RYR3: variants seen among roughly 807,000 people sequenced by gnomAD.
RYR3 encodes the protein ryanodine receptor 3, also known as brain ryanodine receptor-calcium release channel.
In RYR3, 207 loss-of-function variants were observed where a neutral mutation model predicts 584.3. That is an observed-to-expected ratio of 0.35 (90% CI 0.32 to 0.40). The LOEUF (loss-of-function observed/expected upper bound fraction) is 0.40. RYR3 is among the 10% of genes least tolerant of loss of function. The pLI is 1.00. For missense variants in RYR3, 5,616 were observed against 6,089.2 expected, an observed-to-expected ratio of 0.92 and a Z score of 2.59; for synonymous variants, 2,416 against 2,248.5, an observed-to-expected ratio of 1.07 and a Z score of -2.11.
At chr15:33,563,511 C>G (rs2057529326) in intron 11 of RYR3, among the ~76,000 whole-genome samples, 1 of 152,210 alleles carries the variant, frequency 6.6e-6, no homozygotes, top group African/African-American at 2.4e-5. Context: ...GCATCACAGC[C>G]TGCTCCAGCG....
intron 1 of RYR3, among the ~76,000 whole-genome samples, chr15:33,428,378 A>C (rs905079610): frequency 6.6e-6 from 1 of 152,236 alleles, no homozygotes; most frequent in African/African-American, 2.4e-5. Context: ...ATTTATGAAA[A>C]GTCATTGTGT....
At chr15:33,507,086 C>T (rs2142818126) in intron 3 of RYR3, among the ~76,000 whole-genome samples, 1 of 152,242 alleles carries the variant, frequency 6.6e-6, no homozygotes, top group South Asian at 2.1e-4. Flanking sequence ...TATAATTTTT[C>T]CTTCTAGTCA....
chr15:33,409,266 G>A (rs2043228487), intron 1 of RYR3, among the ~76,000 whole-genome samples: 2 of 151,234 alleles, frequency 1.3e-5, no homozygotes, highest in Admixed American at 1.3e-4. Context: ...CATGTGCCAT[G>A]TTGGTGTGCT....
chr15:33,684,498 C>T (rs2152745267), intron 38 of RYR3, among the ~76,000 whole-genome samples: 1 of 152,212 alleles, frequency 6.6e-6, no homozygotes, highest in East Asian at 1.9e-4. Flanking sequence ...AGGTCACCAG[C>T]ATCAAAGACC....
intron 45 of RYR3, among the ~76,000 whole-genome samples, chr15:33,725,795 T>C (rs1436366265): frequency 7.7e-6 from 1 of 130,488 alleles, no homozygotes; most frequent in African/African-American, 2.9e-5. Context: ...CCGTCTCTAC[T>C]AAAAAAAAAA....
chr15:33,357,976 C>T (rs145970355), intron 1 of RYR3, among the ~76,000 whole-genome samples: 18 of 152,330 alleles, frequency 1.2e-4, no homozygotes, highest in Middle Eastern at 3.4e-3. Flanking sequence ...GTGATTCTGT[C>T]CTTGCATTTG....
intron 2 of RYR3, among the ~76,000 whole-genome samples, chr15:33,491,843 T>C (rs983272681): frequency 3.9e-5 from 6 of 152,184 alleles, no homozygotes; most frequent in African/African-American, 1.4e-4. Context: ...CTGAGTCTCC[T>C]AATGGTTTCC....
chr15:33,685,509 A>G (rs2064936031), intron 38 of RYR3, among the ~76,000 whole-genome samples: 5 of 152,154 alleles, frequency 3.3e-5, no homozygotes, highest in South Asian at 4.1e-4. Context: ...AGACTTTAAC[A>G]CCCCACTGTC....
At chr15:33,644,729 C>A (rs1306369957) in intron 28 of RYR3, among the ~76,000 whole-genome samples, 1 of 152,226 alleles carries the variant, frequency 6.6e-6, no homozygotes, top group Non-Finnish European at 1.5e-5. Flanking sequence ...CAGCCTTGCA[C>A]ATAAAACCTT....
At chr15:33,426,463 G>A (rs1201417561) in intron 1 of RYR3, among the ~76,000 whole-genome samples, 1 of 152,104 alleles carries the variant, frequency 6.6e-6, no homozygotes, top group East Asian at 1.9e-4. Context: ...TTTTAGCCAG[G>A]TGTTAGAGAA....
At chr15:33,652,599 G>C in intron 31 of RYR3, 119 bp from the exon 32 acceptor site, 1 of 1,038,910 alleles carries the variant, frequency 9.6e-7, no homozygotes, top group Middle Eastern at 2.1e-4. Flanking sequence ...ATTTGGGGCT[G>C]AACAGAAAGC....
At chr15:33,726,279 A>G in intron 45 of RYR3, 107 bp from the exon 46 acceptor site, 1 of 1,226,328 alleles carries the variant, frequency 8.2e-7, no homozygotes. Context: ...AAACATAGAA[A>G]TGGACCCCTG....
rs760455536 is a variant in RYR3 at position 33,613,358 on chromosome 15, C to T, written c.2340C>T (p.Ser780=). 6 of 1,604,824 alleles carry T rather than the reference C, an allele frequency of 3.7e-6. No individual in the cohort carries two copies. Among genetic ancestry groups the T allele is most frequent in the Non-Finnish European group, 4.3e-6 (5 of 1,174,792 alleles). The change falls in exon 19 of 104, where the codon AGC becomes AGT. Residue 780 remains serine, a synonymous_variant. Coordinates refer to ENST00000634891, the MANE Select transcript of RYR3 (RefSeq NM_001036.6). ...ACGGGCTCTTCTTCCCTGTGATGAG[C>T]TTTTCAGCAGGTGTCAAGTAAGTTA... is the stretch of plus-strand genomic sequence containing the variant. ...NTDGLFFPVM[S]FSAGVKVRFL...
At position 33,601,517 on chromosome 15, in the gene RYR3, A is replaced by C; in HGVS notation, c.1887A>C (p.Leu629=). ...ACAACTTGCTGCCCCGGAGAAACCT[A>C]CTCCTGCAGACACGACTGATTAACG... ...ICDNLLPRRN[L]LLQTRLINDV... The change falls in exon 17 of 104, where the codon CTA becomes CTC. Residue 629 remains leucine (L), a synonymous_variant. Transcript: ENST00000634891. The C allele has an allele frequency of 1.2e-6, 2 of 1,613,494 alleles. No individual in the cohort carries two copies. The highest frequency in any genetic ancestry group is 1.3e-5 in the African/African-American group (1 of 74,892).
At position 33,848,476 on chromosome 15, in the gene RYR3, G is replaced by GAGT. The variant is rs371141489; in HGVS notation, c.13628+57_13628+59dup. On this transcript the variant is annotated intron_variant, in intron 94 of 103. Coordinates refer to ENST00000634891, the MANE Select transcript of RYR3 (RefSeq NM_001036.6). ...GGAGATGGAGTCTCTACTGTAAATA[G>GAGT]AGTAACTCTTTCCTCCTGGCCTTAA... The GAGT allele has an allele frequency of 7.8e-4, 1,211 of 1,545,872 alleles. 8 individuals carry two copies. The African/African-American group carries it at 0.015, about 20-fold the overall frequency.
intron 20 of RYR3, among the ~76,000 whole-genome samples, chr15:33,627,930 C>T (rs985380860): frequency 2.6e-5 from 4 of 151,946 alleles, no homozygotes; most frequent in Admixed American, 2.0e-4. Context: ...GGAGTAGTGC[C>T]AGGGGAAGGA....
chr15:33,855,039 A>C, intron 98 of RYR3, 127 bp downstream of exon 98: 1 of 949,144 alleles, frequency 1.1e-6, no homozygotes, highest in Non-Finnish European at 1.4e-6. Context: ...TTCTTGGCCA[A>C]ACACTTCAAC....
intron 1 of RYR3, among the ~76,000 whole-genome samples, chr15:33,374,915 TA>T (rs1434499793): frequency 6.6e-6 from 1 of 152,220 alleles, no homozygotes; most frequent in African/African-American, 2.4e-5. Flanking sequence ...CTTCTAAATT[TA>T]AAAGTGCTGC....
At chr15:33,442,759 A>C (rs1032977146) in intron 1 of RYR3, among the ~76,000 whole-genome samples, 60 of 152,370 alleles carry the variant, frequency 3.9e-4, no homozygotes, top group African/African-American at 1.4e-3. Context: ...ATCAGTAAAC[A>C]TTTAAAACAT....
Sources: allele counts gnomAD v4.1 joint callset (sites outside exome capture counted in the v4.1 genomes callset), GRCh38; gene constraint gnomAD v4.1.1; transcripts MANE v1.5; gene names NCBI Gene and HGNC (gene_info 2026-07-23, HGNC 2026-07-21).